Variants in CALHM4 observed in about 807,000 individuals in gnomAD.
CALHM4 encodes the protein calcium homeostasis modulator family member 4, also known as calcium homeostasis modulator protein 4.
A neutral mutation model predicts 13.3 loss-of-function variants in CALHM4; 16 were observed. The ratio of observed to expected loss-of-function variants is 1.20; its 90% CI spans 0.81 to 1.82. CALHM4 has a LOEUF of 1.82. Among genes scored for constraint, CALHM4 ranks in the 40% most tolerant of loss-of-function variants. The pLI is 0.00. For synonymous variants in CALHM4, 127 were observed against 137.1 expected, an observed-to-expected ratio of 0.93 and a Z score of 0.52; for missense variants, 344 against 374.9, an observed-to-expected ratio of 0.92 and a Z score of 0.68.
chr6:116,558,961 T>C lies in CALHM4; in HGVS notation c.*750T>C, dbSNP rs1027425296. The stretch of plus-strand genomic sequence containing the variant: ...TGGCCACTACATATAAAGTTTCTTC[T>C]AGAAAGCTTCTCCACTGTGCTCTAC... On this transcript the variant is annotated 3_prime_UTR_variant, in exon 2 of 2. Coordinates refer to ENST00000368596, the MANE Select transcript of CALHM4 (RefSeq NM_001366078.2). 7 of 152,224 alleles carry C rather than the reference T, an allele frequency of 4.6e-5. No individual in the cohort carries two copies. Among genetic ancestry groups the C allele is most frequent in the African/African-American group, 1.7e-4 (7 of 41,462 alleles). 9.4% of individuals were successfully genotyped at this position (152,224 alleles called of 1,614,324 possible).
chr6:116,554,448 A>G, intron 1 of CALHM4, 97 bp downstream of exon 1: 8 of 1,048,106 alleles, frequency 7.6e-6, no homozygotes, highest in Non-Finnish European at 1.1e-5. Context: ...ATATTCTCTG[A>G]TTATAGAACA....
intron 1 of CALHM4, chr6:116,540,467 G>A (rs768100314): frequency 9.0e-6 from 14 of 1,550,814 alleles, no homozygotes; most frequent in Non-Finnish European, 1.0e-5. Flanking sequence ...TAACCCCTGT[G>A]GATGACGGAA....
intron 1 of CALHM4, among the ~76,000 whole-genome samples, chr6:116,556,329 T>C (rs978787094): frequency 9.2e-5 from 14 of 152,340 alleles, no homozygotes; most frequent in East Asian, 5.8e-4. Flanking sequence ...TTAAAAATTA[T>C]AGAGAAAATG....
Position 116,554,242 on chromosome 6 carries a change from C to G in CALHM4, c.449C>G (p.Ala150Gly). The G allele has an allele frequency of 6.4e-7, 1 of 1,550,550 alleles. No homozygotes were observed. Among genetic ancestry groups the G allele is most frequent in the East Asian group, 2.4e-5 (1 of 40,926 alleles). ...DHYPMFDNVS[A>G]SKREEILAGF... ...TACCCAATGTTTGATAATGTCAGTG[C>G]CAGCAAACGAGAAGAGATCCTGGCT... The change falls in exon 1 of 2, where the codon GCC becomes GGC. Residue 150 changes from alanine (A) to glycine (G), a missense_variant. Transcript: ENST00000368596.
chr6:116,529,669 A>G (rs1772578302), intron 1 of CALHM4, among the ~76,000 whole-genome samples: 1 of 152,246 alleles, frequency 6.6e-6, no homozygotes, highest in African/African-American at 2.4e-5. Flanking sequence ...AGGCAGTTGC[A>G]ATGATGTGCC....
intron 1 of CALHM4, among the ~76,000 whole-genome samples, chr6:116,540,012 C>T (rs776656689): frequency 2.6e-5 from 4 of 152,174 alleles, no homozygotes; most frequent in Non-Finnish European, 4.4e-5. Context: ...AACCATCTCC[C>T]TCCATGTGCT....
rs141606346 is a variant in CALHM4 at position 116,544,151 on chromosome 6, A to AAGAGAGAGAGAGAGAGAGAGAG, written c.-1+289_-1+310dup. 3.5e-4 allele frequency among the ~76,000 whole-genome samples: 47 copies of AAGAGAGAGAGAGAGAGAGAGAG among 132,908 alleles called. 2 individuals carry two copies. The highest frequency in any genetic ancestry group is 3.2e-4 in the Admixed American group (4 of 12,430). The allele number at this position is 132,908 out of a possible 152,430, so 87.2% of individuals were successfully genotyped here. The stretch of plus-strand genomic sequence containing the variant: ...AGCATAAAGATAAGCAAAGGTGAAG[A>AAGAGAGAGAGAGAGAGAGAGAG]AGAGAGAGAGAGAGAGAGAGAGAGA... On this transcript the variant is annotated intron_variant, in intron 2 of 2. Coordinates refer to the CALHM4 transcript ENST00000368597.
chr6:116,557,690 A>T, intron 1 of CALHM4, 135 bp from the exon 2 acceptor site: 1 of 939,084 alleles, frequency 1.1e-6, no homozygotes, highest in Non-Finnish European at 1.6e-6. Flanking sequence ...TTGTTGATAT[A>T]CTAAAGATGG....
intron 1 of CALHM4, among the ~76,000 whole-genome samples, chr6:116,540,044 G>T (rs1276014579): frequency 1.3e-5 from 2 of 152,130 alleles, no homozygotes; most frequent in African/African-American, 2.4e-5. Flanking sequence ...TAAAGAAACT[G>T]GTTTGGGGCA....
chr6:116,560,657 G>C lies in CALHM4; in HGVS notation c.*2446G>C, dbSNP rs936900561. Among the ~76,000 whole-genome samples the C allele has an allele frequency of 6.8e-6, 1 of 147,394 alleles. No individual in the cohort carries two copies. Among genetic ancestry groups the C allele is most frequent in the Non-Finnish European group, 1.5e-5 (1 of 66,954 alleles). ...ATGGAATTTTTAGTATTTTGGGGGG[G>C]GGGGGGGCTATGGTCTATAGCATTT... On this transcript the variant is annotated 3_prime_UTR_variant, in exon 2 of 2. Coordinates refer to ENST00000368596, the MANE Select transcript of CALHM4 (RefSeq NM_001366078.2).
Position 116,533,565 on chromosome 6 carries a change from G to A in CALHM4, c.-109+4375G>A, listed in dbSNP as rs552966972. On this transcript the variant is annotated intron_variant, in intron 1 of 2. Transcript: ENST00000368597. ...CGTGAGGCCACCAAAATTTAAAACG[G>A]CAATAGAAATGTAAGTAACAATCAG... Among the ~76,000 whole-genome samples, 4 of 152,288 alleles carry A rather than the reference G, an allele frequency of 2.6e-5. No individual in the cohort carries two copies. In the South Asian group the frequency reaches 8.3e-4, roughly 32 times the overall value.
rs376372334 is a variant in CALHM4, at chr6:116,532,177, G to A, written c.-109+2987G>A. Among the ~76,000 whole-genome samples, 8 of 152,196 alleles carry A rather than the reference G, an allele frequency of 5.3e-5. No homozygotes were observed. The East Asian group carries it at 7.7e-4, about 15-fold the overall frequency. On this transcript the variant is annotated intron_variant, in intron 1 of 2. Transcript: ENST00000368597. ...AGGAGTCTTTCATTTAAAGACAAAT[G>A]TGGAGCACTGCCCTCTTCTGGACAG...
intron 2 of CALHM4, among the ~76,000 whole-genome samples, chr6:116,544,028 A>G (rs1055877210): frequency 6.6e-6 from 1 of 152,092 alleles, no homozygotes; most frequent in African/African-American, 2.4e-5. Context: ...GAACCTAATA[A>G]TAAATCACAA....
Position 116,543,764 on chromosome 6 carries a change from G to C in CALHM4, c.-108-1G>C. The C allele has an allele frequency of 6.9e-7, 1 of 1,444,538 alleles. No homozygotes were observed. Among genetic ancestry groups the C allele is most frequent in the Non-Finnish European group, 9.3e-7 (1 of 1,072,924 alleles). The allele number at this position is 1,444,538 out of a possible 1,614,324, so 89.5% of individuals were successfully genotyped here. A position where few individuals can be genotyped will look rare whatever the true frequency, so the allele number is the denominator to read the frequency against. On this transcript the variant is annotated splice_acceptor_variant, in intron 1 of 2. Transcript: ENST00000368597. LOFTEE classifies it low-confidence loss of function (5UTR_SPLICE). ...AAAATATATGCCATCCATGTTTTCA[G>C]TTGGAAGCAAGAATTGGATAAGACT...
At chr6:116,554,618 C>T (rs1318923982) in intron 1 of CALHM4, among the ~76,000 whole-genome samples, 2 of 152,156 alleles carry the variant, frequency 1.3e-5, no homozygotes, top group Non-Finnish European at 2.9e-5. Context: ...GCACCTACCA[C>T]ATGGGGCTGC....
chr6:116,541,118 GCCTGAAGTACAATCTTGAAAA>G (rs1773423729), intron 1 of CALHM4, among the ~76,000 whole-genome samples: 1 of 151,892 alleles, frequency 6.6e-6, no homozygotes, highest in Non-Finnish European at 1.5e-5. Flanking sequence ...CTCTAGTAGT[GCCTGAAGTACAATCTTGAAAA>G]CCTTCGATTG....
At chr6:116,543,737 C>T (rs2115250255) in intron 1 of CALHM4, 1 of 1,247,838 alleles carries the variant, frequency 8.0e-7, no homozygotes, top group Non-Finnish European at 1.1e-6. Flanking sequence ...TTCTGTTTTT[C>T]TAAAATATAT....
intron 1 of CALHM4, among the ~76,000 whole-genome samples, chr6:116,534,661 C>T (rs1772960295): frequency 6.6e-6 from 1 of 152,184 alleles, no homozygotes; most frequent in African/African-American, 2.4e-5. Context: ...CTTAGATTTA[C>T]TTCCCTGCTT....
intron 1 of CALHM4, among the ~76,000 whole-genome samples, chr6:116,536,924 C>T (rs1773132028): frequency 1.3e-5 from 2 of 152,140 alleles, no homozygotes; most frequent in African/African-American, 4.8e-5. Flanking sequence ...AATGCTGCCA[C>T]AGGCCCGACG....
Sources: gnomAD v4.1 joint callset for allele counts (sites outside exome capture counted in the v4.1 genomes callset) on GRCh38, gnomAD v4.1.1 for gene constraint, MANE v1.5 for transcripts, NCBI Gene and HGNC (gene_info 2026-07-23, HGNC 2026-07-21) for gene names.